The following SYNPR variants were observed in gnomAD, a reference collection of about 807,000 sequenced individuals.
SYNPR encodes the protein synaptoporin.
Under a neutral mutation model 32.9 loss-of-function variants are expected in SYNPR, and 23 were observed. That is an observed-to-expected ratio of 0.70 (90% CI 0.50 to 0.99). The LOEUF is 0.99. Among genes scored for constraint, SYNPR ranks in the 50% least tolerant of loss-of-function variants. SYNPR has a pLI of 0.00. For synonymous variants in SYNPR, 146 were observed against 135.9 expected (o/e 1.07, Z -0.52); for missense variants, 318 against 349.3 (o/e 0.91, Z 0.71).
At chr3:63,612,399 A>G (rs1348041055) in intron 5 of SYNPR, among the ~76,000 whole-genome samples, 1 of 152,202 alleles carries the variant, frequency 6.6e-6, no homozygotes, top group African/African-American at 2.4e-5. Context: ...TTCACTGAGC[A>G]CAAATAGTTT....
chr3:63,344,283 C>T (rs1249738949), intron 2 of SYNPR, among the ~76,000 whole-genome samples: 1 of 152,160 alleles, frequency 6.6e-6, no homozygotes, highest in Non-Finnish European at 1.5e-5. Flanking sequence ...TTGTCTGCTG[C>T]ACTTCTTCTC....
At chr3:63,600,138 T>A (rs912290914) in intron 4 of SYNPR, among the ~76,000 whole-genome samples, 1 of 152,230 alleles carries the variant, frequency 6.6e-6, no homozygotes, top group Non-Finnish European at 1.5e-5. Context: ...AGTTTCCTCA[T>A]AAGTAAAATG....
intron 2 of SYNPR, chr3:63,443,423 T>C (rs774623440): frequency 6.2e-7 from 1 of 1,604,504 alleles, no homozygotes; most frequent in Non-Finnish European, 8.5e-7. Context: ...GAGAGGGAAG[T>C]TGGATTATCA....
At chr3:63,563,098 G>T (rs6763576) in intron 4 of SYNPR, among the ~76,000 whole-genome samples, 1 of 151,834 alleles carries the variant, frequency 6.6e-6, no homozygotes, top group East Asian at 1.9e-4. Context: ...AGGAAAATTG[G>T]AGGCACTTTC....
upstream of SYNPR, among the ~76,000 whole-genome samples, chr3:63,227,074 C>T (rs2086133740): frequency 6.6e-6 from 1 of 152,136 alleles, no homozygotes; most frequent in Non-Finnish European, 1.5e-5. Flanking sequence ...AACAGTTGAA[C>T]TATAATACAT....
chr3:63,295,709 G>A (rs1270661208), intron 2 of SYNPR, among the ~76,000 whole-genome samples: 1 of 152,198 alleles, frequency 6.6e-6, no homozygotes, highest in Non-Finnish European at 1.5e-5. Flanking sequence ...CAAATGAAAG[G>A]ATGATCTTGA....
the SYNPR span, among the ~76,000 whole-genome samples, chr3:63,210,174 A>G: frequency 6.6e-6 from 1 of 152,232 alleles, no homozygotes; most frequent in Non-Finnish European, 1.5e-5. Context: ...TAATTCATTA[A>G]TGAGAATAAT....
chr3:63,287,035 C>T (rs1169001192), intron 2 of SYNPR, among the ~76,000 whole-genome samples: 1 of 152,118 alleles, frequency 6.6e-6, no homozygotes, highest in Non-Finnish European at 1.5e-5. Context: ...TAAGTCCTTC[C>T]AACCACTTAT....
intron 3 of SYNPR, among the ~76,000 whole-genome samples, chr3:63,540,325 C>T (rs1005531996): frequency 2.0e-5 from 3 of 152,054 alleles, no homozygotes; most frequent in Non-Finnish European, 4.4e-5. Flanking sequence ...GCTCATGTGA[C>T]ACAGCAAGGA....
chr3:63,371,166 G>A (rs895888342), intron 2 of SYNPR, among the ~76,000 whole-genome samples: 10 of 152,006 alleles, frequency 6.6e-5, no homozygotes, highest in Admixed American at 3.9e-4. Flanking sequence ...GTGAGTGACA[G>A]TCCCCAGGAA....
At position 63,299,980 on chromosome 3, in the gene SYNPR, A is replaced by C. The variant is rs147404713; in HGVS notation, c.84+21238A>C. On this transcript the variant is annotated intron_variant, in intron 2 of 5. Coordinates refer to ENST00000478300, the MANE Select transcript of SYNPR (RefSeq NM_001130003.2). ...CCATGTTTTTAACTTAGCATTGTTG[A>C]ATTCATTAATCATTAGAGGTACTTA... 3.3e-5 allele frequency among the ~76,000 whole-genome samples: 5 copies of C among 152,256 alleles called. No homozygotes were observed. In the East Asian group the frequency reaches 5.8e-4, roughly 18 times the overall value.
At chr3:63,441,437 C>T (rs1319162355) in intron 2 of SYNPR, among the ~76,000 whole-genome samples, 1 of 152,178 alleles carries the variant, frequency 6.6e-6, no homozygotes, top group Non-Finnish European at 1.5e-5. Context: ...GCCTCTTTGA[C>T]CCTACTCTGA....
chr3:63,418,615 G>A (rs2088570501), intron 2 of SYNPR, among the ~76,000 whole-genome samples: 1 of 152,198 alleles, frequency 6.6e-6, no homozygotes, highest in Non-Finnish European at 1.5e-5. Flanking sequence ...TGACTGGGGA[G>A]GCCGCACAAC....
At chr3:63,387,656 A>G (rs1392970823) in intron 2 of SYNPR, among the ~76,000 whole-genome samples, 1 of 152,240 alleles carries the variant, frequency 6.6e-6, no homozygotes, top group East Asian at 1.9e-4. Flanking sequence ...TCATAGCTAC[A>G]GAGGTCAAGT....
intron 4 of SYNPR, 128 bp from the exon 5 acceptor site, chr3:63,608,997 C>T: frequency 1.5e-6 from 1 of 667,744 alleles, no homozygotes; most frequent in Non-Finnish European, 2.3e-6. Context: ...AAATGTTTTC[C>T]TTGTTTCCAG....
At chr3:63,362,874 T>C (rs1455117725) in intron 2 of SYNPR, among the ~76,000 whole-genome samples, 1 of 152,204 alleles carries the variant, frequency 6.6e-6, no homozygotes, top group Non-Finnish European at 1.5e-5. Flanking sequence ...ATACCTTCAG[T>C]CTTTTACTAG....
intron 3 of SYNPR, among the ~76,000 whole-genome samples, chr3:63,502,745 C>A (rs1329629004): frequency 6.6e-6 from 1 of 151,906 alleles, no homozygotes; most frequent in African/African-American, 2.4e-5. Context: ...CTTTTTAGCA[C>A]TTAATAATAT....
At chr3:63,570,048 G>T (rs1702859785) in intron 4 of SYNPR, among the ~76,000 whole-genome samples, 1 of 152,096 alleles carries the variant, frequency 6.6e-6, no homozygotes, top group South Asian at 2.1e-4. Flanking sequence ...TTGTTTGTTT[G>T]TTTGTTTCAC....
intron 2 of SYNPR, among the ~76,000 whole-genome samples, chr3:63,327,580 A>G (rs960103303): frequency 6.6e-6 from 1 of 152,182 alleles, no homozygotes; most frequent in Non-Finnish European, 1.5e-5. Flanking sequence ...ACATTTTGGT[A>G]TATTTATGCA....
Sources: gnomAD v4.1 joint callset for allele counts (sites outside exome capture counted in the v4.1 genomes callset) on GRCh38, gnomAD v4.1.1 for gene constraint, MANE v1.5 for transcripts, NCBI Gene and HGNC (gene_info 2026-07-23, HGNC 2026-07-21) for gene names.